The following MCHR2 variants were observed in gnomAD, a reference collection of about 807,000 sequenced individuals.
MCHR2 encodes the protein melanin concentrating hormone receptor 2.
In MCHR2, 15 loss-of-function variants were observed where a neutral mutation model predicts 24.8. The observed-to-expected ratio is 0.60, with a 90% CI of 0.40 to 0.93. The LOEUF (loss-of-function observed/expected upper bound fraction) is 0.93. Among genes scored for constraint, MCHR2 ranks in the 40% least tolerant of loss-of-function variants. The pLI is 0.00. For synonymous variants in MCHR2, 151 were observed against 147.6 expected (o/e 1.02, Z -0.17); for missense variants, 386 against 408.7 (o/e 0.94, Z 0.48).
chr6:99,981,480 A>T (rs1293138848), intron 1 of MCHR2, among the ~76,000 whole-genome samples: 1 of 152,076 alleles, frequency 6.6e-6, no homozygotes, highest in East Asian at 1.9e-4. Flanking sequence ...GGCCAATGGT[A>T]TGTGTGGTTA....
rs555594490 is a variant in MCHR2, at chr6:99,956,696, A to G, written c.-27-522T>C. 2.0e-5 allele frequency among the ~76,000 whole-genome samples: 3 copies of G among 152,252 alleles called. No homozygotes were observed. The South Asian group carries it at 6.2e-4, about 32-fold the overall frequency. On this transcript the variant is annotated intron_variant, in intron 1 of 5. Coordinates refer to ENST00000281806, the MANE Select transcript of MCHR2 (RefSeq NM_001040179.2). The stretch of plus-strand genomic sequence containing the variant: ...TGAGGGAGAGTTAGCTCAGCAAATT[A>G]GAGTTGTGGGAAGGGAAAAGCGTTG...
chr6:99,928,702 A>G (rs1185204549), intron 5 of MCHR2, among the ~76,000 whole-genome samples: 2 of 151,928 alleles, frequency 1.3e-5, no homozygotes, highest in East Asian at 3.9e-4. Context: ...ATCACTTTTT[A>G]TTGCCTCTAT....
At chr6:99,991,831 A>G (rs1254778686) in intron 1 of MCHR2, among the ~76,000 whole-genome samples, 2 of 150,472 alleles carry the variant, frequency 1.3e-5, no homozygotes, top group Non-Finnish European at 3.0e-5. Context: ...AAAAAAGAAA[A>G]GAAAAAAGAA....
At chr6:99,970,887 T>C (rs1775401962) in intron 1 of MCHR2, among the ~76,000 whole-genome samples, 1 of 152,212 alleles carries the variant, frequency 6.6e-6, no homozygotes, top group Non-Finnish European at 1.5e-5. Context: ...TGCGGCATTA[T>C]TTCTGAGGGC....
chr6:99,980,144 T>C (rs1000325401), intron 1 of MCHR2, among the ~76,000 whole-genome samples: 3 of 152,132 alleles, frequency 2.0e-5, no homozygotes, highest in Non-Finnish European at 4.4e-5. Context: ...AAAGTAAACA[T>C]TCTAAAAAGC....
At chr6:99,971,933 C>T (rs565497502) in intron 1 of MCHR2, among the ~76,000 whole-genome samples, 1 of 152,170 alleles carries the variant, frequency 6.6e-6, no homozygotes, top group African/African-American at 2.4e-5. Flanking sequence ...GGTGGATAAG[C>T]TTTTTGATGT....
At chr6:99,980,402 A>T (rs1016604647) in intron 1 of MCHR2, among the ~76,000 whole-genome samples, 2 of 152,198 alleles carry the variant, frequency 1.3e-5, no homozygotes, top group Non-Finnish European at 2.9e-5. Context: ...GCCTGGTCAG[A>T]TCCAGTTCTG....
At chr6:99,948,508 A>C (rs1046871777) in intron 2 of MCHR2, among the ~76,000 whole-genome samples, 8 of 152,132 alleles carry the variant, frequency 5.3e-5, no homozygotes, top group Admixed American at 5.2e-4. Context: ...GCCGCAGCCA[A>C]GCCTTCAGAT....
At chr6:99,931,922 T>C (rs983018320) in intron 5 of MCHR2, among the ~76,000 whole-genome samples, 1 of 152,174 alleles carries the variant, frequency 6.6e-6, no homozygotes, top group Non-Finnish European at 1.5e-5. Flanking sequence ...ATCACCCGTC[T>C]TCTGCGTCGC....
intron 1 of MCHR2, among the ~76,000 whole-genome samples, chr6:99,974,073 G>A (rs376388911): frequency 1.2e-4 from 18 of 152,050 alleles, no homozygotes; most frequent in South Asian, 2.1e-4. Context: ...TCTTTGTGAC[G>A]TTCTCTGTAT....
At chr6:99,959,136 C>T (rs1231119435) in intron 1 of MCHR2, among the ~76,000 whole-genome samples, 2 of 151,998 alleles carry the variant, frequency 1.3e-5, no homozygotes, top group African/African-American at 2.4e-5. Flanking sequence ...ACTGATGAGA[C>T]CTCATGTACT....
intron 4 of MCHR2, among the ~76,000 whole-genome samples, chr6:99,936,009 CT>C (rs1162452885): frequency 6.6e-6 from 1 of 151,936 alleles, no homozygotes; most frequent in Non-Finnish European, 1.5e-5. Context: ...TGAGAAATGT[CT>C]GTTCAGATTT....
At chr6:99,938,606 C>T (rs1774712497) in intron 4 of MCHR2, among the ~76,000 whole-genome samples, 1 of 151,918 alleles carries the variant, frequency 6.6e-6, no homozygotes. Context: ...TGTCTTGTGG[C>T]CTGATAGGAT....
At chr6:99,971,510 G>A (rs1242789989) in intron 1 of MCHR2, among the ~76,000 whole-genome samples, 1 of 152,100 alleles carries the variant, frequency 6.6e-6, no homozygotes, top group East Asian at 1.9e-4. Flanking sequence ...CTGCAAACAG[G>A]GACAATTTGA....
chr6:99,962,627 C>A (rs1384676488), intron 1 of MCHR2, among the ~76,000 whole-genome samples: 1 of 152,062 alleles, frequency 6.6e-6, no homozygotes, highest in Non-Finnish European at 1.5e-5. Flanking sequence ...AAATGTATGA[C>A]CAGAAATGTA....
At chr6:99,973,047 G>T (rs1279854129) in intron 1 of MCHR2, among the ~76,000 whole-genome samples, 1 of 152,092 alleles carries the variant, frequency 6.6e-6, no homozygotes, top group East Asian at 1.9e-4. Context: ...CTATTGATTT[G>T]GGGTGGAGAG....
At chr6:99,928,743 T>A (rs905359096) in intron 5 of MCHR2, among the ~76,000 whole-genome samples, 9 of 152,198 alleles carry the variant, frequency 5.9e-5, no homozygotes, top group Non-Finnish European at 1.0e-4. Context: ...TCTTTATTAG[T>A]CTTGCTAGCG....
At chr6:99,986,688 G>A (rs191424479) in intron 1 of MCHR2, among the ~76,000 whole-genome samples, 2 of 152,052 alleles carry the variant, frequency 1.3e-5, no homozygotes, top group African/African-American at 2.4e-5. Context: ...GGTGGGAGGC[G>A]GGTGAGGGAT....
chr6:99,956,298 C>T (rs7749687), intron 1 of MCHR2, 124 bp from the exon 2 acceptor site: 627,292 of 630,582 alleles, frequency 0.99, 312,077 homozygotes, highest in East Asian at 1. Flanking sequence ...AACACAGGAT[C>T]CCAGGGTGAG....
Sources: allele counts gnomAD v4.1 joint callset (sites outside exome capture counted in the v4.1 genomes callset), GRCh38; gene constraint gnomAD v4.1.1; transcripts MANE v1.5; gene names NCBI Gene and HGNC (gene_info 2026-07-23, HGNC 2026-07-21).